The following ANKRD6 variants were observed in gnomAD, a reference collection of about 807,000 sequenced individuals.
ANKRD6 encodes the protein ankyrin repeat domain 6.
ANKRD6 carries 56 observed loss-of-function variants against 82.3 expected under a neutral mutation model. That is an observed-to-expected ratio of 0.68 (90% confidence interval 0.55 to 0.85). ANKRD6 has a LOEUF of 0.85. Among genes scored for constraint, ANKRD6 ranks in the 40% least tolerant of loss-of-function variants. The pLI, the probability that ANKRD6 is intolerant of heterozygous loss-of-function variation, is 0.00. For synonymous variants in ANKRD6, 347 were observed against 352.1 expected, an observed-to-expected ratio of 0.99 and a Z score of 0.16; for missense variants, 852 against 907.6, an observed-to-expected ratio of 0.94 and a Z score of 0.79.
chr6:89,580,676 G>A (rs751337485), intron 2 of ANKRD6, among the ~76,000 whole-genome samples: 3 of 152,146 alleles, frequency 2.0e-5, no homozygotes, highest in African/African-American at 7.2e-5. Flanking sequence ...TGCGATGCTG[G>A]TGTTCTAAGG....
chr6:89,439,659 C>T (rs1029836878), intron 1 of ANKRD6, among the ~76,000 whole-genome samples: 2 of 152,086 alleles, frequency 1.3e-5, no homozygotes, highest in Non-Finnish European at 2.9e-5. Context: ...AAGGAAAAGG[C>T]CCAAATAATT....
intron 1 of ANKRD6, among the ~76,000 whole-genome samples, chr6:89,457,961 A>G (rs748792048): frequency 1.3e-5 from 2 of 152,176 alleles, no homozygotes; most frequent in African/African-American, 2.4e-5. Context: ...CACGAATGGG[A>G]TTACGTCCTT....
In ANKRD6 at chr6:89,471,052, C is replaced by T. The variant is rs552448971; in HGVS notation, c.-144+37677C>T. Among the ~76,000 whole-genome samples, 12 of 151,896 alleles carry T rather than the reference C, an allele frequency of 7.9e-5. 1 individual carries two copies. In the South Asian group the frequency reaches 1.5e-3, roughly 18 times the overall value. On this transcript the variant is annotated intron_variant, in intron 1 of 15. Coordinates refer to ENST00000339746, the MANE Select transcript of ANKRD6 (RefSeq NM_001242809.2). ...AAGTTAACGCCTGTGTGTGTGTGCA[C>T]GTGCACACACTTATGTGTTTTCCTT...
chr6:89,628,970 C>T (rs915089582), intron 14 of ANKRD6, 142 bp from the exon 15 acceptor site: 1 of 878,152 alleles, frequency 1.1e-6, no homozygotes, highest in East Asian at 2.7e-5. Context: ...GTGGGCAAGC[C>T]ATAACTTTTG....
At chr6:89,451,139 C>G (rs750057971) in intron 1 of ANKRD6, among the ~76,000 whole-genome samples, 24 of 152,094 alleles carry the variant, frequency 1.6e-4, no homozygotes, top group Non-Finnish European at 3.4e-4. Flanking sequence ...GAAACCCCAT[C>G]TCTACAAAAA....
At chr6:89,554,428 G>A (rs1361574766) in intron 1 of ANKRD6, among the ~76,000 whole-genome samples, 1 of 137,538 alleles carries the variant, frequency 7.3e-6, no homozygotes, top group Non-Finnish European at 1.5e-5. Context: ...GGACATCAAC[G>A]GATTAACTTA....
At chr6:89,609,819 C>G (rs1799759770) in intron 5 of ANKRD6, among the ~76,000 whole-genome samples, 1 of 151,956 alleles carries the variant, frequency 6.6e-6, no homozygotes, top group African/African-American at 2.4e-5. Context: ...ACCATGTTGG[C>G]TGGGATGGTC....
At chr6:89,469,978 T>A (rs1775263287) in intron 1 of ANKRD6, among the ~76,000 whole-genome samples, 1 of 152,228 alleles carries the variant, frequency 6.6e-6, no homozygotes, top group Non-Finnish European at 1.5e-5. Flanking sequence ...CATAAATGGT[T>A]GTTTTAATGA....
At chr6:89,506,681 C>CA (rs1334557543) in intron 1 of ANKRD6, among the ~76,000 whole-genome samples, 2 of 152,186 alleles carry the variant, frequency 1.3e-5, no homozygotes, top group African/African-American at 4.8e-5. Flanking sequence ...AACAAAAACC[C>CA]ACTTCCCATT....
At chr6:89,556,060 CATAG>C (rs1295925304) in intron 1 of ANKRD6, among the ~76,000 whole-genome samples, 3 of 152,192 alleles carry the variant, frequency 2.0e-5, no homozygotes, top group Admixed American at 6.5e-5. Flanking sequence ...AAGAGCAGTC[CATAG>C]ATAAAGGCAC....
intron 1 of ANKRD6, among the ~76,000 whole-genome samples, chr6:89,549,438 TACA>T (rs1785526450): frequency 1.4e-5 from 2 of 139,680 alleles, no homozygotes; most frequent in Admixed American, 1.6e-4. Context: ...TATGTGATGA[TACA>T]ACAAGAAGGC....
At chr6:89,457,111 T>C (rs908144030) in intron 1 of ANKRD6, among the ~76,000 whole-genome samples, 1 of 152,168 alleles carries the variant, frequency 6.6e-6, no homozygotes, top group African/African-American at 2.4e-5. Flanking sequence ...CTGTATCTCC[T>C]TTCCACTGGC....
chr6:89,549,340 G>A (rs1216859099), intron 1 of ANKRD6, among the ~76,000 whole-genome samples: 1 of 152,150 alleles, frequency 6.6e-6, no homozygotes, highest in Non-Finnish European at 1.5e-5. Context: ...GTTATTGCAT[G>A]AGTGAGTTCA....
chr6:89,583,742 C>G (rs949955799), intron 2 of ANKRD6, among the ~76,000 whole-genome samples: 1 of 152,222 alleles, frequency 6.6e-6, no homozygotes, highest in African/African-American at 2.4e-5. Flanking sequence ...CTCTCTCCTG[C>G]CCCTCACTGC....
At chr6:89,627,761 A>T in intron 14 of ANKRD6, 65 bp downstream of exon 14, 1 of 1,467,588 alleles carries the variant, frequency 6.8e-7, no homozygotes, top group East Asian at 2.3e-5. Context: ...GAGCTCAGGC[A>T]GGCCTGCCAC....
intron 1 of ANKRD6, among the ~76,000 whole-genome samples, chr6:89,516,115 C>T (rs996359138): frequency 1.6e-4 from 24 of 152,242 alleles, no homozygotes; most frequent in African/African-American, 5.3e-4. Context: ...CCATGGGATA[C>T]CCAGATACCT....
At chr6:89,526,360 A>G (rs1369820808) in intron 1 of ANKRD6, among the ~76,000 whole-genome samples, 1 of 152,190 alleles carries the variant, frequency 6.6e-6, no homozygotes, top group African/African-American at 2.4e-5. Flanking sequence ...TGAGCCTTCC[A>G]TTCCCTCCTT....
intron 1 of ANKRD6, among the ~76,000 whole-genome samples, chr6:89,516,972 G>A (rs1014264736): frequency 5.3e-5 from 8 of 152,208 alleles, no homozygotes; most frequent in African/African-American, 1.9e-4. Context: ...TGGCTCAAGT[G>A]ATCTTCCCCA....
chr6:89,603,165 G>C, intron 4 of ANKRD6, 38 bp downstream of exon 4: 1 of 1,561,698 alleles, frequency 6.4e-7, no homozygotes, highest in South Asian at 1.2e-5. Context: ...CCCAAGGCAA[G>C]GGAAGCCAGT....
Sources: allele counts gnomAD v4.1 joint callset (sites outside exome capture counted in the v4.1 genomes callset), GRCh38; gene constraint gnomAD v4.1.1; transcripts MANE v1.5; gene names NCBI Gene and HGNC (gene_info 2026-07-23, HGNC 2026-07-21).